The following CDADC1 variants were observed in gnomAD, a reference collection of about 807,000 sequenced individuals.
CDADC1 encodes the protein cytidine and dCMP deaminase domain containing 1.
A neutral mutation model predicts 54.9 loss-of-function variants in CDADC1; 39 were observed. The observed-to-expected ratio is 0.71, with a 90% CI of 0.55 to 0.93. CDADC1 has a LOEUF of 0.93. Among genes scored for constraint, CDADC1 ranks in the 40% least tolerant of loss-of-function variants. The pLI is 0.00. For missense variants in CDADC1, 518 were observed against 618.8 expected (o/e 0.84, Z 1.73); for synonymous variants, 186 against 204.0 (o/e 0.91, Z 0.75).
At chr13:49,289,791 TC>T (rs1953645413) in intron 9 of CDADC1, among the ~76,000 whole-genome samples, 1 of 152,206 alleles carries the variant, frequency 6.6e-6, no homozygotes, top group South Asian at 2.1e-4. Context: ...ACACCTATAA[TC>T]CCAGCATATT....
intron 2 of CDADC1, among the ~76,000 whole-genome samples, chr13:49,255,146 T>A (rs1432253151): frequency 2.0e-5 from 3 of 152,214 alleles, no homozygotes; most frequent in Admixed American, 1.3e-4. Context: ...GTGGAGATTG[T>A]CTGTTTTCCT....
chr13:49,270,052 A>G (rs1023035774), intron 5 of CDADC1, among the ~76,000 whole-genome samples: 38 of 75,850 alleles, frequency 5.0e-4, no homozygotes, highest in Non-Finnish European at 8.8e-4. Flanking sequence ...ACTCTACTCC[A>G]CTGTGCACTC....
In CDADC1 at chr13:49,280,543, A is replaced by AT; in HGVS notation, c.1260dup (p.Val421CysfsTer7). ...AATAAAACCAGAAGAAAGAAGCATG[A>AT]TTTTTGTGACAAAGTGCCCATGTGA... On this transcript the variant is annotated frameshift_variant, in exon 8 of 10. Coordinates refer to ENST00000251108, the MANE Select transcript of CDADC1 (RefSeq NM_030911.4). LOFTEE classifies it high-confidence loss of function. 1 of 1,456,704 alleles carries AT rather than the reference A, an allele frequency of 6.9e-7. No homozygotes were observed. The highest frequency in any genetic ancestry group is 9.1e-7 in the Non-Finnish European group (1 of 1,099,214). The allele number at this position is 1,456,704 out of a possible 1,614,324, so 90.2% of individuals were successfully genotyped here.
In CDADC1 at chr13:49,292,937, C is replaced by A; in HGVS notation, c.*1180C>A. 2.3e-6 allele frequency: 1 copy of A among 440,416 alleles called. No homozygotes were observed. Among genetic ancestry groups the A allele is most frequent in the Non-Finnish European group, 3.8e-6 (1 of 259,860 alleles). 27.3% of individuals were successfully genotyped at this position (440,416 alleles called of 1,614,324 possible). On this transcript the variant is annotated 3_prime_UTR_variant, in exon 10 of 10. Coordinates refer to ENST00000251108, the MANE Select transcript of CDADC1 (RefSeq NM_030911.4). ...AGAATTACACGCACGACCATCCAAA[C>A]ATTGGCTCCATGCCAGGGCTGTGAC...
chr13:49,267,985 T>C lies in CDADC1; in HGVS notation c.926T>C (p.Ile309Thr), dbSNP rs1478968435. ...YRSNPEQINE[I>T]HNQSLPQEIA... Reference sequence around the variant, plus strand: ...AGCAATCCAGAACAGATTAATGAAATTCACAATCAAAGTTTGCCACAGGAA... The same window carrying C: ...AGCAATCCAGAACAGATTAATGAAACTCACAATCAAAGTTTGCCACAGGAA... The change falls in exon 5 of 10, where the codon ATT becomes ACT. Residue 309 changes from isoleucine to threonine, a missense_variant. Coordinates refer to ENST00000251108, the MANE Select transcript of CDADC1 (RefSeq NM_030911.4). 1 of 1,614,062 alleles carries C rather than the reference T, an allele frequency of 6.2e-7. No individual in the cohort carries two copies. The highest frequency in any genetic ancestry group is 1.7e-5 in the Admixed American group (1 of 60,012).
chr13:49,277,330 G>C (rs946683469), intron 6 of CDADC1, among the ~76,000 whole-genome samples: 6 of 152,076 alleles, frequency 3.9e-5, no homozygotes, highest in Admixed American at 2.6e-4. Context: ...AATTAGCCAG[G>C]CATAGTGACA....
At chr13:49,279,770 G>A (rs889486483) in intron 7 of CDADC1, among the ~76,000 whole-genome samples, 2 of 152,152 alleles carry the variant, frequency 1.3e-5, no homozygotes, top group African/African-American at 4.8e-5. Context: ...CTGGCTGAGA[G>A]CTACGTAAGC....
At chr13:49,259,320 A>C (rs748876140) in intron 3 of CDADC1, 26 bp from the exon 4 acceptor site, 18 of 1,504,758 alleles carry the variant, frequency 1.2e-5, no homozygotes, top group Non-Finnish European at 1.6e-5. Flanking sequence ...ATAACTAATA[A>C]GTTGTTATTT....
intron 9 of CDADC1, among the ~76,000 whole-genome samples, chr13:49,287,286 T>G (rs972368326): frequency 5.9e-5 from 9 of 152,240 alleles, no homozygotes; most frequent in Admixed American, 2.0e-4. Context: ...TAACAATTTT[T>G]TAACCTTGAA....
intron 7 of CDADC1, among the ~76,000 whole-genome samples, chr13:49,279,014 C>G (rs562199907): frequency 6.6e-6 from 1 of 152,234 alleles, no homozygotes; most frequent in Non-Finnish European, 1.5e-5. Flanking sequence ...TTCAGATACG[C>G]AAATACTTAC....
intron 5 of CDADC1, among the ~76,000 whole-genome samples, chr13:49,272,744 G>A (rs1418843205): frequency 2.7e-5 from 4 of 146,476 alleles, no homozygotes; most frequent in Admixed American, 7.1e-5. Flanking sequence ...TGCAACCTCC[G>A]CCTCCCAGGT....
chr13:49,264,324 A>G (rs1378600483), intron 4 of CDADC1, among the ~76,000 whole-genome samples: 8 of 152,322 alleles, frequency 5.3e-5, no homozygotes, highest in Admixed American at 2.6e-4. Context: ...TACACACTCA[A>G]TTTCCATGCC....
intron 5 of CDADC1, among the ~76,000 whole-genome samples, chr13:49,271,784 C>T (rs767280103): frequency 6.6e-6 from 1 of 152,064 alleles, no homozygotes; most frequent in Non-Finnish European, 1.5e-5. Context: ...AGGAATTTGA[C>T]TCAATGATTG....
intron 3 of CDADC1, among the ~76,000 whole-genome samples, chr13:49,258,316 C>T (rs1473912357): frequency 6.6e-6 from 1 of 152,208 alleles, no homozygotes; most frequent in African/African-American, 2.4e-5. Context: ...CTCCTTAGCC[C>T]AAGCTCCCCT....
chr13:49,268,485 A>T (rs750434627), intron 5 of CDADC1, among the ~76,000 whole-genome samples: 14 of 151,982 alleles, frequency 9.2e-5, no homozygotes, highest in Non-Finnish European at 1.5e-4. Flanking sequence ...ACATAGCAAG[A>T]CCTCGACTCT....
At chr13:49,268,353 A>C (rs1054456654) in intron 5 of CDADC1, among the ~76,000 whole-genome samples, 3 of 151,976 alleles carry the variant, frequency 2.0e-5, no homozygotes, top group Non-Finnish European at 4.4e-5. Context: ...CCCTCCACTA[A>C]AGGTAGGACA....
At chr13:49,274,388 A>G in intron 6 of CDADC1, 48 bp downstream of exon 6, 1 of 1,499,056 alleles carries the variant, frequency 6.7e-7, no homozygotes, top group Non-Finnish European at 9.3e-7. Flanking sequence ...ATTTTGTTTA[A>G]ACATAGTTCA....
chr13:49,263,462 G>A (rs1236988234), intron 4 of CDADC1, among the ~76,000 whole-genome samples: 1 of 152,160 alleles, frequency 6.6e-6, no homozygotes, highest in East Asian at 1.9e-4. Flanking sequence ...CATTCTAAGT[G>A]CAAGACAGAC....
chr13:49,286,139 G>A, intron 8 of CDADC1, 83 bp from the exon 9 acceptor site: 1 of 1,138,000 alleles, frequency 8.8e-7, no homozygotes, highest in South Asian at 1.3e-5. Flanking sequence ...TTAAGAAGTT[G>A]TTTTGATATT....
Sources: gnomAD v4.1 joint callset for allele counts (sites outside exome capture counted in the v4.1 genomes callset) on GRCh38, gnomAD v4.1.1 for gene constraint, MANE v1.5 for transcripts, NCBI Gene and HGNC (gene_info 2026-07-23, HGNC 2026-07-21) for gene names.